IL36RN: variants seen among roughly 807,000 people sequenced by gnomAD.
IL36RN encodes interleukin 36 receptor antagonist, also known as interleukin-36 receptor antagonist protein.
Under a neutral mutation model 13.0 loss-of-function variants are expected in IL36RN, and 11 were observed. The ratio of observed to expected loss-of-function variants is 0.85; its 90% confidence interval spans 0.53 to 1.40. IL36RN has a LOEUF of 1.40. Ranked by LOEUF, IL36RN falls within the 40% of genes most tolerant of loss-of-function variation. The pLI, the probability that IL36RN is intolerant of heterozygous loss-of-function variation, is 0.00. For missense variants in IL36RN, 195 were observed against 195.3 expected, an observed-to-expected ratio of 1.00 and a Z score of 0.01; for synonymous variants, 94 against 84.1, an observed-to-expected ratio of 1.12 and a Z score of -0.64.
At chr2:113,061,992 C>T (rs1419136249) in intron 3 of IL36RN, 132 bp from the exon 4 acceptor site, 3 of 1,219,960 alleles carry the variant, frequency 2.5e-6, no homozygotes, top group East Asian at 2.6e-5. Context: ...GTCATGACAG[C>T]TGCTGAGAAG....
In IL36RN at chr2:113,062,776, C is replaced by T. The variant is rs547397492; in HGVS notation, c.*99C>T. On this transcript the variant is annotated 3_prime_UTR_variant, in exon 5 of 5. Coordinates refer to ENST00000393200, the MANE Select transcript of IL36RN (RefSeq NM_012275.3). ...ACAATCACTCTCTCTGCTCTCAGGACCCCCACGTCTGACTTAGTGGGCACC... is the reference window on the plus strand; with the variant it reads ...ACAATCACTCTCTCTGCTCTCAGGATCCCCACGTCTGACTTAGTGGGCACC... 1.5e-5 allele frequency: 16 copies of T among 1,078,540 alleles called. 1 individual carries two copies. The South Asian group carries it at 1.9e-4, about 13-fold the overall frequency. The allele number at this position is 1,078,540 out of a possible 1,614,324, so 66.8% of individuals were successfully genotyped here.
intron 2 of IL36RN, 84 bp downstream of exon 2, chr2:113,059,551 G>A: frequency 6.9e-7 from 1 of 1,457,464 alleles, no homozygotes; most frequent in Non-Finnish European, 9.6e-7. Flanking sequence ...CTGAGCAGGA[G>A]GGAGGAAGGG....
upstream of IL36RN, chr2:113,059,067 A>G: frequency 3.0e-6 from 1 of 328,830 alleles, no homozygotes; most frequent in Non-Finnish European, 5.8e-6. Context: ...ACAGATAATG[A>G]GCAGCAAGTG....
chr2:113,061,029 G>T (rs1275736368), intron 3 of IL36RN, 92 bp downstream of exon 3: 3 of 973,844 alleles, frequency 3.1e-6, no homozygotes, highest in Non-Finnish European at 4.9e-6. Flanking sequence ...ATACAGATTA[G>T]CATAGGCCTA....
In IL36RN at chr2:113,062,190, T is replaced by A; in HGVS notation, c.182T>A (p.Val61Asp). 1 of 1,613,990 alleles carries A rather than the reference T, an allele frequency of 6.2e-7. No homozygotes were observed. Among genetic ancestry groups the A allele is most frequent in the Non-Finnish European group, 8.5e-7 (1 of 1,179,926 alleles). Residue 61 changes from valine (V) to aspartate (D), a missense_variant, in exon 4 of 5, where the codon GTC (valine) becomes GAC (aspartate). By Grantham distance (152) the Val-to-Asp change is radical. Coordinates refer to ENST00000393200, the MANE Select transcript of IL36RN (RefSeq NM_012275.3). The part of the protein sequence containing the change: ...DASLSPVILG[V>D]QGGSQCLSCG... ...AGCCTGTCCCCCGTCATCCTGGGTG[T>A]CCAGGGTGGAAGCCAGTGCCTGTCA...
chr2:113,059,336 T>C, intron 1 of IL36RN, 76 bp from the exon 2 acceptor site: 1 of 1,287,798 alleles, frequency 7.8e-7, no homozygotes, highest in Non-Finnish European at 1.1e-6. Context: ...GGGAGCTCGG[T>C]GCAGCTGCTT....
At position 113,062,832 on chromosome 2, in the gene IL36RN, G is replaced by A. The variant is rs3207836; in HGVS notation, c.*155G>A. 2 of 717,638 alleles carry A rather than the reference G, an allele frequency of 2.8e-6. No homozygotes were observed. Among genetic ancestry groups the A allele is most frequent in the African/African-American group, 1.7e-5 (1 of 57,436 alleles). The allele number at this position is 717,638 out of a possible 1,614,324, so 44.5% of individuals were successfully genotyped here. A position where few individuals can be genotyped will look rare whatever the true frequency, so the allele number is the denominator to read the frequency against. ...ACTTTGTCTTCTGGTTCCCAGTTTG[G>A]ATAAATTCTGAGATTTGGAGCTCAG... On this transcript the variant is annotated 3_prime_UTR_variant, in exon 5 of 5. Transcript: ENST00000393200.
At position 113,062,599 on chromosome 2, in the gene IL36RN, T is replaced by A; in HGVS notation, c.390T>A (p.Pro130=). The part of the protein sequence containing the change: ...FLCTVPEADQ[P]VRLTQLPENG... ...GCACGGTGCCTGAAGCCGATCAGCC[T>A]GTCAGACTCACCCAGCTTCCCGAGA... The change falls in exon 5 of 5, where the codon CCT becomes CCA. Residue 130 remains proline, a synonymous_variant. Transcript: ENST00000393200. The A allele has an allele frequency of 6.2e-7, 1 of 1,613,790 alleles. No homozygotes were observed. Among genetic ancestry groups the A allele is most frequent in the Non-Finnish European group, 8.5e-7 (1 of 1,180,016 alleles).
At chr2:113,061,069 C>G in intron 3 of IL36RN, 132 bp downstream of exon 3, 1 of 739,978 alleles carries the variant, frequency 1.4e-6, no homozygotes, top group Non-Finnish European at 2.4e-6. Context: ...CAGCACAAAC[C>G]AGGCTCTAAG....
At chr2:113,062,384 A>G (rs973672613) in intron 4 of IL36RN, 69 bp from the exon 5 acceptor site, 5 of 1,605,498 alleles carry the variant, frequency 3.1e-6, no homozygotes, top group Middle Eastern at 1.8e-4. Context: ...CTCCTCCCTA[A>G]GGATCCTGCC....
chr2:113,059,029 A>G (rs1189179749), upstream of IL36RN: 1 of 251,496 alleles, frequency 4.0e-6, no homozygotes, highest in Admixed American at 4.8e-5. Flanking sequence ...CTGGAAGGAA[A>G]CTGTCTCCAG....
chr2:113,060,503 C>A (rs1236945144), intron 2 of IL36RN, among the ~76,000 whole-genome samples: 1 of 152,134 alleles, frequency 6.6e-6, no homozygotes, highest in Non-Finnish European at 1.5e-5. Context: ...CCAGAGTGGG[C>A]GAGAGAGTTG....
rs1441544304 is a variant in IL36RN, at chr2:113,064,348, C to G, written c.*1671C>G. On this transcript the variant is annotated 3_prime_UTR_variant, in exon 5 of 5. Coordinates refer to ENST00000393200, the MANE Select transcript of IL36RN (RefSeq NM_012275.3). ...AAACTAATACAGCTGCTAAAATGAT[C>G]CCTGTCTCCTCGTGTTTACATTCTG... 2.0e-5 allele frequency: 3 copies of G among 152,222 alleles called. No individual in the cohort carries two copies. The highest frequency in any genetic ancestry group is 2.9e-5 in the Non-Finnish European group (2 of 68,036). The allele number at this position is 152,222 out of a possible 1,614,324, so 9.4% of individuals were successfully genotyped here. A position where few individuals can be genotyped will look rare whatever the true frequency, so the allele number is the denominator to read the frequency against.
At chr2:113,062,025 G>A (rs1685650316) in intron 3 of IL36RN, 99 bp from the exon 4 acceptor site, 1 of 1,517,900 alleles carries the variant, frequency 6.6e-7, no homozygotes. Context: ...CCAGCCTGGG[G>A]GCAGGCCGTC....
At chr2:113,059,735 G>A (rs549985650) in intron 2 of IL36RN, among the ~76,000 whole-genome samples, 1 of 152,300 alleles carries the variant, frequency 6.6e-6, no homozygotes, top group East Asian at 1.9e-4. Context: ...TCTATCCAAG[G>A]TGGGAACGGG....
In IL36RN at chr2:113,060,944, G is replaced by A. The variant is rs760803052; in HGVS notation, c.115+7G>A. The A allele has an allele frequency of 1.6e-5, 25 of 1,607,614 alleles. No individual in the cohort carries two copies. The highest frequency in any genetic ancestry group is 2.0e-5 in the Non-Finnish European group (24 of 1,174,104). ...GCAGGGAAGGTCATTAAAGGTTGGT[G>A]ATGAAACATGACCCACTTTCCTTGG... On this transcript the variant is annotated splice_region_variant and intron_variant, in intron 3 of 4. Transcript: ENST00000393200.
In IL36RN at chr2:113,062,876, T is replaced by C. The variant is rs1023089122; in HGVS notation, c.*199T>C. On this transcript the variant is annotated 3_prime_UTR_variant, in exon 5 of 5. Coordinates refer to ENST00000393200, the MANE Select transcript of IL36RN (RefSeq NM_012275.3). ...AGCTCAGTCCACGGTCCTCCCCCAC[T>C]GGATGGTGCTACTGCTGTGGAATCT... 6.6e-5 allele frequency: 42 copies of C among 635,224 alleles called. No homozygotes were observed. The Admixed American group carries it at 8.8e-4, about 13-fold the overall frequency. 39.3% of individuals were successfully genotyped at this position (635,224 alleles called of 1,614,324 possible).
In IL36RN at chr2:113,064,114, A is replaced by G. The variant is rs1375008338; in HGVS notation, c.*1437A>G. The G allele has an allele frequency of 1.3e-5, 2 of 152,174 alleles. No individual in the cohort carries two copies. Among genetic ancestry groups the G allele is most frequent in the African/African-American group, 4.8e-5 (2 of 41,438 alleles). 9.4% of individuals were successfully genotyped at this position (152,174 alleles called of 1,614,324 possible). A position where few individuals can be genotyped will look rare whatever the true frequency, so the allele number is the denominator to read the frequency against. Reference sequence around the variant, plus strand: ...ATGTAAAGATGAAGGCAGAGATCGGAGTTTTGCAGCCACAAGCTAAGAAAC... The same window carrying G: ...ATGTAAAGATGAAGGCAGAGATCGGGGTTTTGCAGCCACAAGCTAAGAAAC... On this transcript the variant is annotated 3_prime_UTR_variant, in exon 5 of 5. Coordinates refer to ENST00000393200, the MANE Select transcript of IL36RN (RefSeq NM_012275.3).
intron 2 of IL36RN, 63 bp from the exon 3 acceptor site, chr2:113,060,789 C>A: frequency 1.7e-6 from 2 of 1,174,314 alleles, no homozygotes; most frequent in Non-Finnish European, 2.5e-6. Context: ...TCTCTGGATC[C>A]AGGGCATGCT....
Sources: allele counts gnomAD v4.1 joint callset (sites outside exome capture counted in the v4.1 genomes callset), GRCh38; gene constraint gnomAD v4.1.1; transcripts MANE v1.5; gene names NCBI Gene and HGNC (gene_info 2026-07-23, HGNC 2026-07-21).